Variants in SEC14L4 observed in about 807,000 individuals in gnomAD.
The protein encoded by SEC14L4 is SEC14 like lipid binding 4, also known as SEC14-like protein 4.
A neutral mutation model predicts 55.1 loss-of-function variants in SEC14L4; 42 were observed. The ratio of observed to expected loss-of-function variants is 0.76; its 90% CI spans 0.60 to 0.99. The LOEUF (loss-of-function observed/expected upper bound fraction) is 0.99, where lower values mean the gene tolerates loss of function less well. SEC14L4 is among the 50% of genes least tolerant of loss of function. The pLI is 0.00. For missense variants in SEC14L4, 445 were observed against 512.1 expected, an observed-to-expected ratio of 0.87 and a Z score of 1.27; for synonymous variants, 206 against 206.8, an observed-to-expected ratio of 1.00 and a Z score of 0.03.
chr22:30,497,506 CTGAG>C (rs994644653), intron 2 of SEC14L4, among the ~76,000 whole-genome samples: 5 of 151,020 alleles, frequency 3.3e-5, no homozygotes, highest in Non-Finnish European at 7.4e-5. Context: ...GCCTGGGTGA[CTGAG>C]TGAGACCCTG....
At position 30,489,952 on chromosome 22, in the gene SEC14L4, C is replaced by A. The variant is rs1181726472; in HGVS notation, c.*155G>T. 6.4e-7 allele frequency: 1 copy of A among 1,552,110 alleles called. No homozygotes were observed. Among genetic ancestry groups the A allele is most frequent in the Non-Finnish European group, 8.7e-7 (1 of 1,147,210 alleles). On this transcript the variant is annotated 3_prime_UTR_variant, in exon 12 of 12. Coordinates refer to ENST00000255858, the MANE Select transcript of SEC14L4 (RefSeq NM_174977.4). The stretch of plus-strand genomic sequence containing the variant: ...GCACTGGTGGCCCCTTCCTGCTTGG[C>A]CACTGTGCCAGGTGAGCCTACAATG...
At chr22:30,499,836 T>TA (rs1006692849) in intron 2 of SEC14L4, among the ~76,000 whole-genome samples, 1 of 152,032 alleles carries the variant, frequency 6.6e-6, no homozygotes, top group African/African-American at 2.4e-5. Context: ...CACTCTCTCA[T>TA]AGGTTCTTAA....
intron 5 of SEC14L4, 85 bp downstream of exon 5, chr22:30,495,169 C>G (rs1936098041): frequency 4.5e-6 from 6 of 1,330,598 alleles, no homozygotes; most frequent in Non-Finnish European, 6.1e-6. Flanking sequence ...GTGCTGAGGG[C>G]TGGGGAGGGG....
rs1601839171 is a variant in SEC14L4, at chr22:30,489,988, G to A, written c.*119C>T. 8 of 1,557,284 alleles carry A rather than the reference G, an allele frequency of 5.1e-6. No homozygotes were observed. Among genetic ancestry groups the A allele is most frequent in the Non-Finnish European group, 7.0e-6 (8 of 1,149,702 alleles). ...GGTGAGCCTACAATGAGATGAAATGGTGACGTGGGACAAGTGGCTCTCTGC... is the reference window on the plus strand; with the variant it reads ...GGTGAGCCTACAATGAGATGAAATGATGACGTGGGACAAGTGGCTCTCTGC... On this transcript the variant is annotated 3_prime_UTR_variant, in exon 12 of 12. Transcript: ENST00000255858.
intron 2 of SEC14L4, among the ~76,000 whole-genome samples, chr22:30,499,496 C>T (rs12165604): frequency 2.6e-5 from 4 of 150,964 alleles, no homozygotes; most frequent in African/African-American, 4.9e-5. Flanking sequence ...CCAGCACTTT[C>T]GGAGGCCAAG....
At chr22:30,500,507 C>T (rs2146196072) in intron 2 of SEC14L4, among the ~76,000 whole-genome samples, 1 of 152,158 alleles carries the variant, frequency 6.6e-6, no homozygotes, top group South Asian at 2.1e-4. Context: ...GCTGGAACTA[C>T]AAGCATGCAC....
intron 2 of SEC14L4, among the ~76,000 whole-genome samples, chr22:30,502,229 C>T (rs1449656153): frequency 6.6e-6 from 1 of 152,122 alleles, no homozygotes; most frequent in East Asian, 1.9e-4. Flanking sequence ...GAATTAGTCC[C>T]TGGTAGGGAC....
chr22:30,490,898 C>T (rs750476726), intron 11 of SEC14L4, among the ~76,000 whole-genome samples: 1 of 152,176 alleles, frequency 6.6e-6, no homozygotes, highest in African/African-American at 2.4e-5. Context: ...AGCCGCTTTC[C>T]GTCTCACAGA....
Position 30,492,093 on chromosome 22 carries a change from C to T in SEC14L4, c.727G>A (p.Gly243Arg). The T allele has an allele frequency of 1.2e-6, 2 of 1,613,916 alleles. No homozygotes were observed. Among genetic ancestry groups the T allele is most frequent in the Non-Finnish European group, 1.7e-6 (2 of 1,179,868 alleles). Residue 243 changes from glycine to arginine, a missense_variant, in exon 9 of 12, where the codon GGG (glycine) becomes AGG (arginine). Gly to Arg is a moderately radical substitution (Grantham distance 125, BLOSUM62 -2). Transcript: ENST00000255858. ...SPDQLPVEFGGTMTDPDGNPK... is the reference protein window; with the variant it reads ...SPDQLPVEFGRTMTDPDGNPK... ...TTGCCATCGGGGTCAGTCATGGTCC[C>T]CCCAAACTCCACAGGCAGCTGGTCG...
intron 7 of SEC14L4, 83 bp from the exon 8 acceptor site, chr22:30,492,640 C>T (rs1936003656): frequency 1.9e-6 from 2 of 1,067,052 alleles, no homozygotes; most frequent in African/African-American, 3.1e-5. Flanking sequence ...AGGTGCTGGA[C>T]AGGAGGTGGA....
chr22:30,501,878 T>TATATATATATATATATAC (rs1252400924), intron 2 of SEC14L4, among the ~76,000 whole-genome samples: 2 of 139,678 alleles, frequency 1.4e-5, no homozygotes, highest in Non-Finnish European at 3.1e-5. Flanking sequence ...TATATATACA[T>TATATATATATATATATAC]ACACATACTT....
chr22:30,489,030 A>C lies in SEC14L4; in HGVS notation c.*1077T>G, dbSNP rs749298052. The C allele has an allele frequency of 6.6e-6, 1 of 151,542 alleles. No individual in the cohort carries two copies. Among genetic ancestry groups the C allele is most frequent in the African/African-American group, 2.4e-5 (1 of 41,126 alleles). 9.4% of individuals were successfully genotyped at this position (151,542 alleles called of 1,614,324 possible). A position where few individuals can be genotyped will look rare whatever the true frequency, so the allele number is the denominator to read the frequency against. On this transcript the variant is annotated 3_prime_UTR_variant, in exon 12 of 12. Coordinates refer to ENST00000255858, the MANE Select transcript of SEC14L4 (RefSeq NM_174977.4). ...GAGCACCTGTTCAGACTCTACGTAT[A>C]TGCACCCATGAATGGTGCAGCTGCC... is the stretch of plus-strand genomic sequence containing the variant.
intron 2 of SEC14L4, among the ~76,000 whole-genome samples, chr22:30,498,381 G>A (rs1300752480): frequency 2.0e-5 from 3 of 152,104 alleles, no homozygotes; most frequent in Non-Finnish European, 1.5e-5. Flanking sequence ...GATTACAGGT[G>A]TGAGCCACCA....
Position 30,495,399 on chromosome 22 carries a change from T to C in SEC14L4, c.278A>G (p.Tyr93Cys). Residue 93 changes from tyrosine (Y) to cysteine (C), a missense_variant, in exon 5 of 12, where the codon TAC becomes TGC. Tyr to Cys is a radical substitution (Grantham distance 194, BLOSUM62 -2). Transcript: ENST00000255858. ...YDSGGLCGYD[Y>C]EGCPVYFNII... ...GTTGAAGTACACAGGGCAGCCTTCG[T>C]AGTCGTAGCCACAAAGACCACCCGA... 2 of 1,614,002 alleles carry C rather than the reference T, an allele frequency of 1.2e-6. No individual in the cohort carries two copies. Among genetic ancestry groups the C allele is most frequent in the Non-Finnish European group, 1.7e-6 (2 of 1,179,980 alleles).
intron 1 of SEC14L4, 95 bp downstream of exon 1, chr22:30,505,463 G>A: frequency 3.1e-6 from 4 of 1,288,776 alleles, no homozygotes; most frequent in Non-Finnish European, 3.3e-6. Flanking sequence ...CAGGCTCGGT[G>A]TTCCAGTCTG....
chr22:30,500,420 G>A (rs993809876), intron 2 of SEC14L4, among the ~76,000 whole-genome samples: 8 of 152,068 alleles, frequency 5.3e-5, no homozygotes, highest in African/African-American at 1.9e-4. Context: ...AAAAGATTCA[G>A]TTTATAGGTG....
intron 2 of SEC14L4, among the ~76,000 whole-genome samples, chr22:30,498,743 A>G (rs545474719): frequency 7.9e-4 from 121 of 152,282 alleles, no homozygotes; most frequent in Admixed American, 2.3e-3. Context: ...CTATCCCTAG[A>G]TTGGTAAGAC....
At chr22:30,496,406 G>A (rs561890905) in intron 2 of SEC14L4, among the ~76,000 whole-genome samples, 2 of 152,236 alleles carry the variant, frequency 1.3e-5, no homozygotes, top group South Asian at 2.1e-4. Context: ...TTACAGGCGC[G>A]AGCCTCTGTG....
intron 11 of SEC14L4, among the ~76,000 whole-genome samples, chr22:30,490,477 G>A (rs1413919564): frequency 2.6e-5 from 4 of 152,200 alleles, no homozygotes; most frequent in Non-Finnish European, 4.4e-5. Context: ...GGTGGCTTGC[G>A]CTACATGAAG....
Sources: allele counts gnomAD v4.1 joint callset (sites outside exome capture counted in the v4.1 genomes callset), GRCh38; gene constraint gnomAD v4.1.1; transcripts MANE v1.5; gene names NCBI Gene and HGNC (gene_info 2026-07-23, HGNC 2026-07-21).